The following UNC45B variants were observed in gnomAD, a reference collection of about 807,000 sequenced individuals.
UNC45B encodes unc-45 myosin chaperone B.
Under a neutral mutation model 98.7 loss-of-function variants are expected in UNC45B, and 78 were observed. The observed-to-expected ratio is 0.79, with a 90% CI of 0.66 to 0.95. The LOEUF (loss-of-function observed/expected upper bound fraction) is 0.95, where lower values mean the gene tolerates loss of function less well. Ranked by LOEUF, UNC45B falls within the 40% of genes least tolerant of loss-of-function variation. The probability of loss-of-function intolerance (pLI) is 0.00; values close to 1 mark genes in which losing one functional copy is unlikely to be tolerated. For missense variants in UNC45B, 1,225 were observed against 1,184.9 expected (o/e 1.03, Z -0.50); for synonymous variants, 462 against 480.4 (o/e 0.96, Z 0.50).
intron 19 of UNC45B, among the ~76,000 whole-genome samples, chr17:35,185,041 C>T (rs1001057832): frequency 2.0e-5 from 3 of 152,202 alleles, no homozygotes; most frequent in Non-Finnish European, 2.9e-5. Context: ...TTATCAGTTA[C>T]ACTTCAGCGT....
intron 14 of UNC45B, 145 bp from the exon 15 acceptor site, chr17:35,175,823 G>T: frequency 2.9e-6 from 2 of 699,442 alleles, no homozygotes. Context: ...GTTAATTCTG[G>T]GGCACAGGCA....
At chr17:35,159,207 C>G (rs2092084409) in intron 7 of UNC45B, among the ~76,000 whole-genome samples, 168 bp from the exon 8 acceptor site, 1 of 152,130 alleles carries the variant, frequency 6.6e-6, no homozygotes, top group African/African-American at 2.4e-5. Flanking sequence ...AGGGATTTCT[C>G]TCCCTTTTTC....
In UNC45B at chr17:35,150,130, C is replaced by A; in HGVS notation, c.288C>A (p.Ala96=). Residue 96 remains alanine, a synonymous_variant, in exon 4 of 20, where the codon GCC becomes GCA. Coordinates refer to ENST00000394570, the MANE Select transcript of UNC45B (RefSeq NM_001267052.2). ...ALEHLGKLDQ[A]FKDVQRCATL... ...AGCACCTGGGGAAGCTGGACCAGGC[C>A]TTCAAAGACGTGCAGCGTTGTGCCA... The A allele has an allele frequency of 1.9e-6, 3 of 1,613,856 alleles. No individual in the cohort carries two copies. Among genetic ancestry groups the A allele is most frequent in the Non-Finnish European group, 2.5e-6 (3 of 1,179,872 alleles).
chr17:35,155,500 G>A, intron 7 of UNC45B, 36 bp downstream of exon 7: 1 of 1,606,588 alleles, frequency 6.2e-7, no homozygotes, highest in East Asian at 2.2e-5. Context: ...TCAAGGGGAT[G>A]GGGAAAGAAA....
rs140149832 is a variant in UNC45B, at chr17:35,184,464, T to C, written c.2529+882T>C. Among the ~76,000 whole-genome samples, 683 of 152,332 alleles carry C rather than the reference T, an allele frequency of 4.5e-3. 5 individuals are homozygous for C. The highest frequency in any genetic ancestry group is 0.015 in the African/African-American group (635 of 41,572). On this transcript the variant is annotated intron_variant, in intron 19 of 19. Transcript: ENST00000394570. ...CTTGGAGACCACACTTTGAAACCGC[T>C]GCCCTAGAGCAGCCTCTGCTGGTGT...
Position 35,164,142 on chromosome 17 carries a change from G to T in UNC45B, c.1127G>T (p.Arg376Leu), listed in dbSNP as rs779255426. Residue 376 changes from arginine (R) to leucine (L), a missense_variant, in exon 9 of 20, where the codon CGC (arginine) becomes CTC (leucine). Transcript: ENST00000394570. ...TGTGACCCGGAGCGCGATCACTTCC[G>T]CAAGATCTGTGAGGAATATATCACG... ...LRCDPERDHF[R>L]KICEEYITGK... 3 of 1,612,500 alleles carry T rather than the reference G, an allele frequency of 1.9e-6. No homozygotes were observed. The highest frequency in any genetic ancestry group is 2.5e-6 in the Non-Finnish European group (3 of 1,179,372).
chr17:35,148,904 G>T (rs956551366), intron 2 of UNC45B, 69 bp from the exon 3 acceptor site: 2 of 1,596,354 alleles, frequency 1.3e-6, no homozygotes, highest in Non-Finnish European at 1.7e-6. Context: ...ACACTGTGGG[G>T]ACACTCTCTG....
intron 15 of UNC45B, among the ~76,000 whole-genome samples, chr17:35,176,796 G>A (rs565734731): frequency 6.6e-6 from 1 of 152,356 alleles, no homozygotes; most frequent in African/African-American, 2.4e-5. Context: ...ATTTAGGTGG[G>A]TGGGAGGAAG....
chr17:35,181,515 G>A (rs1188404448), intron 18 of UNC45B, among the ~76,000 whole-genome samples: 1 of 152,228 alleles, frequency 6.6e-6, no homozygotes, highest in Admixed American at 6.5e-5. Context: ...TAAAGGCCAG[G>A]TATGGTGGCT....
intron 9 of UNC45B, chr17:35,164,749 T>A (rs1175524189): frequency 1.3e-5 from 2 of 152,088 alleles, no homozygotes; most frequent in Non-Finnish European, 2.9e-5. Context: ...TGAGACAGAG[T>A]CTCACTCTGT....
At position 35,174,252 on chromosome 17, in the gene UNC45B, A is replaced by G. The variant is rs1487740916; in HGVS notation, c.1841A>G (p.Asp614Gly). 8.1e-6 allele frequency: 13 copies of G among 1,614,110 alleles called. No homozygotes were observed. The highest frequency in any genetic ancestry group is 1.1e-5 in the South Asian group (1 of 91,076). ...VPEEHPKDKK[D>G]FIDMRVKRLL... Reference sequence around the variant, plus strand: ...TTTTCATCTCCTCAGGACAAGAAGGACTTTATAGACATGCGGGTGAAGCGG... The same window carrying G: ...TTTTCATCTCCTCAGGACAAGAAGGGCTTTATAGACATGCGGGTGAAGCGG... Residue 614 changes from aspartate to glycine, a missense_variant, in exon 14 of 20, where the codon GAC becomes GGC. Physicochemically the swap from Asp to Gly is moderately conservative, Grantham distance 94 (BLOSUM62 -1). Transcript: ENST00000394570.
intron 8 of UNC45B, 138 bp downstream of exon 8, chr17:35,159,683 TC>T: frequency 1.0e-6 from 1 of 993,826 alleles, no homozygotes; most frequent in Admixed American, 2.8e-5. Flanking sequence ...CATTGGCCCA[TC>T]AGGATCCACC....
intron 13 of UNC45B, among the ~76,000 whole-genome samples, chr17:35,173,095 C>T (rs979279818): frequency 2.0e-5 from 3 of 151,364 alleles, no homozygotes; most frequent in South Asian, 2.1e-4. Context: ...CATTGCCACA[C>T]GCACTGTGGC....
chr17:35,163,198 A>ATTT (rs1372966372), intron 8 of UNC45B, among the ~76,000 whole-genome samples: 1 of 152,244 alleles, frequency 6.6e-6, no homozygotes, highest in Admixed American at 6.5e-5. Context: ...AGTGCTCAGA[A>ATTT]TAAATTGCAG....
At chr17:35,166,107 A>AAAAAAAAAAAAAAAAAAAAG (rs1567760467) in intron 9 of UNC45B, among the ~76,000 whole-genome samples, 10 of 148,520 alleles carry the variant, frequency 6.7e-5, no homozygotes, top group African/African-American at 2.2e-4. Flanking sequence ...AAAAAAAAAA[A>AAAAAAAAAAAAAAAAAAAAG]AAAATTAAAA....
intron 7 of UNC45B, among the ~76,000 whole-genome samples, chr17:35,157,479 G>A (rs1240077591): frequency 6.6e-6 from 1 of 152,162 alleles, no homozygotes; most frequent in Non-Finnish European, 1.5e-5. Flanking sequence ...TGGGATTACA[G>A]GTGTGAGCCA....
Position 35,187,456 on chromosome 17 carries a change from T to C in UNC45B, c.*897T>C, listed in dbSNP as rs1005919138. 2.0e-4 allele frequency: 31 copies of C among 152,208 alleles called. No individual in the cohort carries two copies. The highest frequency in any genetic ancestry group is 6.8e-4 in the African/African-American group (28 of 41,448). 9.4% of individuals were successfully genotyped at this position (152,208 alleles called of 1,614,324 possible). ...GTGACATAGTTGTTATAGTTCATTA[T>C]GGAATAGAAGAGAGAAGAGCATTCT... On this transcript the variant is annotated 3_prime_UTR_variant, in exon 20 of 20. Transcript: ENST00000394570.
intron 12 of UNC45B, 112 bp downstream of exon 12, chr17:35,170,367 A>G (rs1047416225): frequency 3.9e-6 from 5 of 1,271,136 alleles, no homozygotes; most frequent in Middle Eastern, 2.8e-4. Flanking sequence ...TTACCCCTGT[A>G]TAAACATGAT....
chr17:35,152,926 C>T lies in UNC45B; in HGVS notation c.415C>T (p.Gln139Ter). The T allele has an allele frequency of 6.2e-7, 1 of 1,614,060 alleles. No homozygotes were observed. Among genetic ancestry groups the T allele is most frequent in the Non-Finnish European group, 8.5e-7 (1 of 1,180,018 alleles). Residue 139 changes from glutamine (Q) to a stop codon, truncating the protein, a stop_gained, in exon 5 of 20, where the codon CAG becomes TAG. Transcript: ENST00000394570. LOFTEE classifies it high-confidence loss of function. The stretch of plus-strand genomic sequence containing the variant: ...GCAGTTCTCCACAGACTCGAGGGTA[C>T]AGAAGATGTTTGAGATCCTCTTGGA... Reference protein sequence around the residue: ...RVQFSTDSRVQKMFEILLDEN... With the variant: ...RVQFSTDSRV
Sources: gnomAD v4.1 joint callset for allele counts (sites outside exome capture counted in the v4.1 genomes callset) on GRCh38, gnomAD v4.1.1 for gene constraint, MANE v1.5 for transcripts, NCBI Gene and HGNC (gene_info 2026-07-23, HGNC 2026-07-21) for gene names.